Variants in SOX5 observed in about 807,000 individuals in gnomAD.
SOX5 encodes the protein transcription factor SOX-5.
SOX5 carries 9 observed loss-of-function variants against 92.0 expected under a neutral mutation model. The ratio of observed to expected loss-of-function variants is 0.10; its 90% CI spans 0.06 to 0.17. SOX5 has a LOEUF of 0.17. Ranked by LOEUF, SOX5 falls within the 10% of genes least tolerant of loss-of-function variation. The pLI, the probability that SOX5 is intolerant of heterozygous loss-of-function variation, is 1.00. For missense variants in SOX5, 642 were observed against 944.5 expected (o/e 0.68, Z 4.20); for synonymous variants, 344 against 336.3 (o/e 1.02, Z -0.25).
At chr12:24,313,456 G>A (rs1295108609) in intron 2 of SOX5, among the ~76,000 whole-genome samples, 1 of 152,164 alleles carries the variant, frequency 6.6e-6, no homozygotes, top group Non-Finnish European at 1.5e-5. Flanking sequence ...CTTGAGCCTA[G>A]CAGATCAAAG....
At chr12:24,073,572 G>A (rs189386866) in intron 4 of SOX5, among the ~76,000 whole-genome samples, 9 of 152,184 alleles carry the variant, frequency 5.9e-5, no homozygotes, top group African/African-American at 1.7e-4. Context: ...GACATAAAAC[G>A]TATTTGTAGC....
chr12:23,933,787 T>C (rs1022288652), intron 1 of SOX5, among the ~76,000 whole-genome samples: 1 of 151,568 alleles, frequency 6.6e-6, no homozygotes, highest in African/African-American at 2.4e-5. Context: ...TGTCTCTGTA[T>C]ACTCTTAAAC....
chr12:23,799,083 T>C (rs16926720), intron 3 of SOX5, among the ~76,000 whole-genome samples: 18,837 of 151,962 alleles, frequency 0.12, 1,379 homozygotes, highest in Non-Finnish European at 0.17. Context: ...AAGAGCTTTT[T>C]GGGGGTTCCA....
At chr12:23,887,917 A>ATG (rs61356582) in intron 2 of SOX5, among the ~76,000 whole-genome samples, 10,184 of 144,678 alleles carry the variant, frequency 0.07, 389 homozygotes, top group African/African-American at 0.11. Context: ...CAGTGTGTAT[A>ATG]TGTGTGTGTG....
intron 1 of SOX5, among the ~76,000 whole-genome samples, chr12:24,392,572 T>C (rs551073214): frequency 1.3e-5 from 2 of 152,194 alleles, no homozygotes; most frequent in South Asian, 4.2e-4. Context: ...CTTTCACTGG[T>C]CTCATTGTCT....
chr12:24,457,193 T>A (rs984463353), intron 1 of SOX5, among the ~76,000 whole-genome samples: 4 of 152,210 alleles, frequency 2.6e-5, no homozygotes, highest in Admixed American at 2.6e-4. Context: ...CATATGAATA[T>A]CATCTTCTTA....
intron 4 of SOX5, among the ~76,000 whole-genome samples, chr12:23,751,799 C>T (rs549338744): frequency 2.0e-5 from 3 of 151,842 alleles, no homozygotes; most frequent in Non-Finnish European, 2.9e-5. Context: ...TGCAAAAGAA[C>T]CAGTTGTTGA....
At chr12:24,382,087 C>A (rs568311307) in intron 1 of SOX5, among the ~76,000 whole-genome samples, 51 of 152,284 alleles carry the variant, frequency 3.3e-4, no homozygotes, top group Admixed American at 5.9e-4. Flanking sequence ...CCTCACGCAG[C>A]TAATATTCTT....
chr12:24,206,540 A>G (rs980499147), intron 4 of SOX5, among the ~76,000 whole-genome samples: 4 of 152,168 alleles, frequency 2.6e-5, no homozygotes, highest in Non-Finnish European at 5.9e-5. Context: ...GCTTGTAATT[A>G]CGCTTACGGA....
intron 1 of SOX5, among the ~76,000 whole-genome samples, chr12:24,394,645 C>A (rs1959419048): frequency 1.3e-5 from 2 of 152,186 alleles, no homozygotes; most frequent in Non-Finnish European, 2.9e-5. Context: ...ATATCCATAT[C>A]TCTATCTGAT....
At chr12:24,237,587 CTTT>C (rs138580187) in intron 3 of SOX5, among the ~76,000 whole-genome samples, 1 of 142,982 alleles carries the variant, frequency 7.0e-6, no homozygotes, top group African/African-American at 2.6e-5. Flanking sequence ...AGTCGTAAGA[CTTT>C]TTTTTTTTTT....
At chr12:23,775,242 C>T (rs572584670) in intron 3 of SOX5, among the ~76,000 whole-genome samples, 4 of 152,208 alleles carry the variant, frequency 2.6e-5, no homozygotes, top group East Asian at 1.9e-4. Flanking sequence ...GTTTAAAATG[C>T]GCCTTGCATG....
At chr12:24,271,661 G>A (rs1049342040) in intron 3 of SOX5, among the ~76,000 whole-genome samples, 2 of 152,162 alleles carry the variant, frequency 1.3e-5, no homozygotes, top group African/African-American at 4.8e-5. Context: ...TGTGTGATGT[G>A]AAGTAGAGAT....
rs140438977 is a variant in SOX5, at chr12:24,304,943, C to T, written c.-173-27631G>A. ...TACTTCAGTTCCTCAGGAAGTCTTG[C>T]TACCACAACACAAAGACAACTGAAT... is the stretch of plus-strand genomic sequence containing the variant. On this transcript the variant is annotated intron_variant, in intron 2 of 4. Coordinates refer to the SOX5 transcript ENST00000446891. Among the ~76,000 whole-genome samples the T allele has an allele frequency of 8.3e-3, 1,269 of 152,200 alleles. 9 individuals are homozygous for T. The highest frequency in any genetic ancestry group is 0.013 in the Non-Finnish European group (906 of 67,994).
At chr12:24,212,813 A>G (rs1016570950) in intron 4 of SOX5, among the ~76,000 whole-genome samples, 4 of 152,196 alleles carry the variant, frequency 2.6e-5, no homozygotes, top group African/African-American at 9.7e-5. Flanking sequence ...CATTTCATAC[A>G]TGGTAGTCAA....
Position 23,799,721 on chromosome 12 carries a change from T to A in SOX5, c.482-43997A>T, listed in dbSNP as rs183926276. Among the ~76,000 whole-genome samples the A allele has an allele frequency of 1.3e-4, 20 of 152,156 alleles. 1 individual carries two copies. Among genetic ancestry groups the A allele is most frequent in the East Asian group, 1.2e-3 (6 of 5,174 alleles). The stretch of plus-strand genomic sequence containing the variant: ...AAAGTACACAATAAAGAAAATATTT[T>A]CAGTATTATTAATACTAACAAAATT... On this transcript the variant is annotated intron_variant, in intron 3 of 14. Transcript: ENST00000451604.
intron 6 of SOX5, among the ~76,000 whole-genome samples, chr12:23,715,830 A>C (rs1267921618): frequency 6.6e-6 from 1 of 150,758 alleles, no homozygotes; most frequent in East Asian, 1.9e-4. Context: ...AAAAAAAAAA[A>C]AAACTTGGCC....
intron 4 of SOX5, among the ~76,000 whole-genome samples, chr12:24,125,519 A>G (rs995601869): frequency 6.6e-6 from 1 of 152,204 alleles, no homozygotes; most frequent in Non-Finnish European, 1.5e-5. Context: ...CCGTCGTTAC[A>G]GGTACCATTT....
At chr12:23,883,388 G>A (rs1568607121) in intron 2 of SOX5, among the ~76,000 whole-genome samples, 1 of 152,038 alleles carries the variant, frequency 6.6e-6, no homozygotes, top group Non-Finnish European at 1.5e-5. Flanking sequence ...AGGAAAACAT[G>A]AATATTAGAA....
Sources: allele counts gnomAD v4.1 joint callset (sites outside exome capture counted in the v4.1 genomes callset), GRCh38; gene constraint gnomAD v4.1.1; transcripts MANE v1.5; gene names NCBI Gene and HGNC (gene_info 2026-07-23, HGNC 2026-07-21).